RBPJL: variants seen among roughly 807,000 people sequenced by gnomAD.
RBPJL encodes recombination signal binding protein for immunoglobulin kappa J region like, also known as recombining binding protein suppressor of hairless-like protein.
A neutral mutation model predicts 57.6 loss-of-function variants in RBPJL; 50 were observed. That is an observed-to-expected ratio of 0.87 (90% CI 0.69 to 1.10). The LOEUF is 1.10. RBPJL is among the 50% of genes least tolerant of loss of function. The pLI is 0.00. For missense variants in RBPJL, 684 were observed against 693.7 expected (o/e 0.99, Z 0.16); for synonymous variants, 303 against 294.4 (o/e 1.03, Z -0.30).
rs377578128 is a variant in RBPJL, at chr20:45,313,611, G to C, written c.757+6G>C. On this transcript the variant is annotated splice_donor_region_variant and intron_variant, in intron 7 of 11. Transcript: ENST00000343694. Reference sequence around the variant, plus strand: ...TGCCTTCACGCTCCACCTGGGTAATGACATCTGCAGGCCCTGGAGCTGGGC... The same window carrying C: ...TGCCTTCACGCTCCACCTGGGTAATCACATCTGCAGGCCCTGGAGCTGGGC... The C allele has an allele frequency of 1.2e-6, 2 of 1,602,020 alleles. No individual in the cohort carries two copies. The highest frequency in any genetic ancestry group is 8.5e-7 in the Non-Finnish European group (1 of 1,173,562).
intron 2 of RBPJL, 181 bp downstream of exon 2, chr20:45,308,432 C>G (rs1986944948): frequency 5.1e-6 from 3 of 587,252 alleles, no homozygotes; most frequent in Admixed American, 5.9e-5. Context: ...CCAGCACCCC[C>G]TGCTCCTACC....
At chr20:45,311,733 G>C (rs1168592792) in intron 4 of RBPJL, 74 bp downstream of exon 4, 1 of 1,575,180 alleles carries the variant, frequency 6.3e-7, no homozygotes, top group Non-Finnish European at 8.7e-7. Context: ...GAGACGGGGC[G>C]GTTCGCAGGC....
chr20:45,316,882 ACCGACG>A lies in RBPJL; in HGVS notation c.1485_1490del (p.Asp496_Ala497del). 1 of 1,613,668 alleles carries A rather than the reference ACCGACG, an allele frequency of 6.2e-7. No homozygotes were observed. The highest frequency in any genetic ancestry group is 8.5e-7 in the Non-Finnish European group (1 of 1,179,772). On this transcript the variant is annotated inframe_deletion, in exon 12 of 12. Coordinates refer to ENST00000343694, the MANE Select transcript of RBPJL (RefSeq NM_014276.4). The stretch of plus-strand genomic sequence containing the variant: ...TCACCCCGGCGTCCCCGAGCCCGCC[ACCGACG>A]CCGACGCGCTCCTGGAGAGCATCCA...
At chr20:45,311,509 T>C in intron 3 of RBPJL, 80 bp from the exon 4 acceptor site, 2 of 1,366,312 alleles carry the variant, frequency 1.5e-6, no homozygotes, top group Non-Finnish European at 2.1e-6. Flanking sequence ...TCTGCTGGGT[T>C]TATGCTACTA....
intron 11 of RBPJL, 24 bp from the exon 12 acceptor site, chr20:45,316,662 C>G: frequency 1.3e-6 from 2 of 1,562,780 alleles, no homozygotes; most frequent in Non-Finnish European, 1.7e-6. Flanking sequence ...CGCCGCAGCC[C>G]TCACCCTGGT....
rs1987357954 is a variant in RBPJL at position 45,314,494 on chromosome 20, T to A, written c.949T>A (p.Phe317Ile). The A allele has an allele frequency of 6.2e-7, 1 of 1,614,062 alleles. No homozygotes were observed. The highest frequency in any genetic ancestry group is 1.3e-5 in the African/African-American group (1 of 74,924). ...CCAGCTGCACAAGTGTGCATTCCAG[T>A]TTCCAGGCAGTCCCCCAGGAGGGGG... ...ISQLHKCAFQ[F>I]PGSPPGGGGT... The change falls in exon 9 of 12, where the codon TTT becomes ATT. Residue 317 changes from phenylalanine to isoleucine, a missense_variant. By Grantham distance (21) the Phe-to-Ile change is conservative. Coordinates refer to ENST00000343694, the MANE Select transcript of RBPJL (RefSeq NM_014276.4).
chr20:45,313,982 C>A, intron 7 of RBPJL, 53 bp from the exon 8 acceptor site: 4 of 1,316,944 alleles, frequency 3.0e-6, no homozygotes, highest in East Asian at 2.3e-5. Context: ...GGGTTTAAGG[C>A]AGAAGCTTGG....
intron 2 of RBPJL, chr20:45,308,460 CAG>C: frequency 1.7e-6 from 1 of 572,738 alleles, no homozygotes; most frequent in African/African-American, 1.9e-5. Flanking sequence ...GAGCTGCAGA[CAG>C]GGCTAGCTGC....
At position 45,317,522 on chromosome 20, in the gene RBPJL, T is replaced by C. The variant is rs1419746576; in HGVS notation, c.*563T>C. 6.5e-6 allele frequency: 1 copy of C among 153,412 alleles called. No individual in the cohort carries two copies. The highest frequency in any genetic ancestry group is 1.4e-5 in the Non-Finnish European group (1 of 69,006). 9.5% of individuals were successfully genotyped at this position (153,412 alleles called of 1,614,324 possible). On this transcript the variant is annotated 3_prime_UTR_variant, in exon 12 of 12. Transcript: ENST00000343694. ...AGATCCACCTGGAGCACCGGGTCTC[T>C]CTAAGTCTCACCTGGGGAATTCGGT...
chr20:45,308,429 C>T, intron 2 of RBPJL, 178 bp downstream of exon 2: 1 of 588,144 alleles, frequency 1.7e-6, no homozygotes, highest in East Asian at 2.8e-5. Flanking sequence ...AACCCAGCAC[C>T]CCCTGCTCCT....
At position 45,316,887 on chromosome 20, in the gene RBPJL, C is replaced by A. The variant is rs751153181; in HGVS notation, c.1482C>A (p.Asp494Glu). The change falls in exon 12 of 12, where the codon GAC becomes GAA. Residue 494 changes from aspartate (D) to glutamate (E), a missense_variant. Asp to Glu is a conservative substitution (Grantham distance 45). Coordinates refer to ENST00000343694, the MANE Select transcript of RBPJL (RefSeq NM_014276.4). ...GHPGVPEPAT[D>E]ADALLESIHQ... ...CCGGCGTCCCCGAGCCCGCCACCGACGCCGACGCGCTCCTGGAGAGCATCC... is the reference window on the plus strand; with the variant it reads ...CCGGCGTCCCCGAGCCCGCCACCGAAGCCGACGCGCTCCTGGAGAGCATCC... 10 of 1,613,546 alleles carry A rather than the reference C, an allele frequency of 6.2e-6. No homozygotes were observed. Among genetic ancestry groups the A allele is most frequent in the South Asian group, 5.5e-5 (5 of 91,044 alleles).
intron 7 of RBPJL, 65 bp from the exon 8 acceptor site, chr20:45,313,970 C>T: frequency 8.6e-7 from 1 of 1,166,300 alleles, no homozygotes; most frequent in African/African-American, 1.5e-5. Context: ...GGCAACAAGG[C>T]AGGGTTTAAG....
In RBPJL at chr20:45,314,575, A is replaced by G; in HGVS notation, c.1020+10A>G. ...GGTGGTGCAATTTCAGGTAAGAAGC[A>G]GAGAATACCAGCACCAAGTGTCCTG... On this transcript the variant is annotated intron_variant, in intron 9 of 11. Coordinates refer to ENST00000343694, the MANE Select transcript of RBPJL (RefSeq NM_014276.4). 1 of 1,610,232 alleles carries G rather than the reference A, an allele frequency of 6.2e-7. No homozygotes were observed. The highest frequency in any genetic ancestry group is 1.7e-5 in the Admixed American group (1 of 59,864).
chr20:45,311,755 G>T, intron 4 of RBPJL, 84 bp from the exon 5 acceptor site: 4 of 1,544,664 alleles, frequency 2.6e-6, no homozygotes, highest in Non-Finnish European at 3.5e-6. Flanking sequence ...CAGTCTCCCC[G>T]CGCCCTCTGG....
chr20:45,309,197 C>T (rs1987006866), intron 2 of RBPJL, among the ~76,000 whole-genome samples: 1 of 152,060 alleles, frequency 6.6e-6, no homozygotes. Context: ...CCCTAAAATA[C>T]TCTTCTCCAT....
chr20:45,313,094 G>C (rs1276482179), intron 6 of RBPJL, among the ~76,000 whole-genome samples: 2 of 152,140 alleles, frequency 1.3e-5, no homozygotes, highest in Admixed American at 6.5e-5. Context: ...TCCAAAGCAG[G>C]ACTGCAGCAG....
intron 9 of RBPJL, 85 bp from the exon 10 acceptor site, chr20:45,316,102 G>T: frequency 7.2e-7 from 1 of 1,390,816 alleles, no homozygotes; most frequent in South Asian, 1.3e-5. Flanking sequence ...TCGGTCTAAC[G>T]CAGAAGCCCA....
chr20:45,316,646 C>G (rs1278960438), intron 11 of RBPJL, 40 bp from the exon 12 acceptor site: 2 of 1,534,342 alleles, frequency 1.3e-6, no homozygotes, highest in South Asian at 1.2e-5. Flanking sequence ...CACGCGTCGT[C>G]GGAGTCGCCG....
chr20:45,311,306 A>G (rs540868528), intron 3 of RBPJL, among the ~76,000 whole-genome samples: 2 of 152,238 alleles, frequency 1.3e-5, no homozygotes, highest in South Asian at 4.1e-4. Flanking sequence ...CCAGGCAAAA[A>G]GTAATGGCGG....
Sources: gnomAD v4.1 joint callset for allele counts (sites outside exome capture counted in the v4.1 genomes callset) on GRCh38, gnomAD v4.1.1 for gene constraint, MANE v1.5 for transcripts, NCBI Gene and HGNC (gene_info 2026-07-23, HGNC 2026-07-21) for gene names.